CABCOCO1: variants seen among roughly 807,000 people sequenced by gnomAD.
CABCOCO1 encodes the protein ciliary associated calcium binding coiled-coil 1.
In CABCOCO1, 28 loss-of-function variants were observed where a neutral mutation model predicts 35.7. The ratio of observed to expected loss-of-function variants is 0.78; its 90% CI spans 0.58 to 1.07. The LOEUF (loss-of-function observed/expected upper bound fraction) is 1.07. Among genes scored for constraint, CABCOCO1 ranks in the 50% least tolerant of loss-of-function variants. The pLI, the probability that CABCOCO1 is intolerant of heterozygous loss-of-function variation, is 0.00. For synonymous variants in CABCOCO1, 95 were observed against 100.1 expected (o/e 0.95, Z 0.30); for missense variants, 326 against 309.2 (o/e 1.05, Z -0.41).
Position 61,694,757 on chromosome 10 carries a change from G to C in CABCOCO1, c.552+4136G>C, listed in dbSNP as rs114362088. Among the ~76,000 whole-genome samples, 694 of 152,208 alleles carry C rather than the reference G, an allele frequency of 4.6e-3. 7 individuals are homozygous for C. The highest frequency in any genetic ancestry group is 0.015 in the African/African-American group (641 of 41,542). ...GAAAAGGTGGCTAAGAGACTTAAAA[G>C]CTGAGAAGTGAAGCTTTGGTAGACA... On this transcript the variant is annotated intron_variant, in intron 5 of 7. Coordinates refer to ENST00000648843, the MANE Select transcript of CABCOCO1 (RefSeq NM_001366906.2).
chr10:61,669,020 G>GGAAAAAAAAAAAAAAAAA (rs1455258314), intron 1 of CABCOCO1, among the ~76,000 whole-genome samples: 2 of 102,478 alleles, frequency 2.0e-5, no homozygotes, highest in Non-Finnish European at 4.3e-5. Flanking sequence ...AAGGGTTGGG[G>GGAAAAAAAAAAAAAAAAA]AAAAAAAAAA....
At chr10:61,753,184 AT>A (rs1307586193) in intron 5 of CABCOCO1, among the ~76,000 whole-genome samples, 1 of 152,152 alleles carries the variant, frequency 6.6e-6, no homozygotes, top group Non-Finnish European at 1.5e-5. Flanking sequence ...TGTCCATAAA[AT>A]AAAATTTTTA....
At chr10:61,710,878 C>T (rs374654928) in intron 5 of CABCOCO1, among the ~76,000 whole-genome samples, 1 of 151,870 alleles carries the variant, frequency 6.6e-6, no homozygotes. Flanking sequence ...TCTGTGACAG[C>T]TTTTCACTCC....
At chr10:61,762,906 G>A (rs1842036094) in intron 7 of CABCOCO1, among the ~76,000 whole-genome samples, 1 of 151,948 alleles carries the variant, frequency 6.6e-6, no homozygotes, top group African/African-American at 2.4e-5. Context: ...TTCCAAGTTG[G>A]GTAATTACTC....
chr10:61,732,999 T>C (rs989250441), intron 5 of CABCOCO1, among the ~76,000 whole-genome samples: 3 of 152,070 alleles, frequency 2.0e-5, no homozygotes, highest in Non-Finnish European at 2.9e-5. Context: ...AATGCTTTGA[T>C]ATTTATGTTT....
At chr10:61,673,075 CGTT>C (rs745513408) in intron 2 of CABCOCO1, among the ~76,000 whole-genome samples, 4 of 152,120 alleles carry the variant, frequency 2.6e-5, no homozygotes, top group Admixed American at 6.5e-5. Context: ...TGTTCTCCCT[CGTT>C]GTAAGAAGAG....
chr10:61,694,196 CAGGAGGATCAGAGTCAGAAAA>C lies in CABCOCO1; in HGVS notation c.552+3579_552+3599del, dbSNP rs1393098810. Reference sequence around the variant, plus strand: ...TCTCCATATAAGAGAAAGAGGAAAGCAGGAGGATCAGAGTCAGAAAAAGGGAGATTTGAAAATGTCACACTG... The same window carrying C: ...TCTCCATATAAGAGAAAGAGGAAAGCAGGGAGATTTGAAAATGTCACACTG... On this transcript the variant is annotated intron_variant, in intron 5 of 7. Transcript: ENST00000648843. Among the ~76,000 whole-genome samples the C allele has an allele frequency of 2.0e-5, 3 of 150,268 alleles. No homozygotes were observed. In the East Asian group the frequency reaches 5.9e-4, roughly 29 times the overall value.
At chr10:61,664,006 T>G (rs1839091338) in intron 1 of CABCOCO1, among the ~76,000 whole-genome samples, 1 of 152,150 alleles carries the variant, frequency 6.6e-6, no homozygotes, top group African/African-American at 2.4e-5. Context: ...AAGTGTTAGC[T>G]GCAATTTTAT....
chr10:61,679,326 T>TATC (rs1839631098), intron 2 of CABCOCO1, among the ~76,000 whole-genome samples: 1 of 106,912 alleles, frequency 9.4e-6, no homozygotes, highest in Non-Finnish European at 2.0e-5. Context: ...TCTATATCTA[T>TATC]ATCTATCTAT....
chr10:61,675,035 T>C (rs1839468515), intron 2 of CABCOCO1, among the ~76,000 whole-genome samples: 1 of 152,286 alleles, frequency 6.6e-6, no homozygotes, highest in East Asian at 1.9e-4. Context: ...TATTTAAGAA[T>C]TAAAATGCAC....
At chr10:61,694,167 G>A (rs553644096) in intron 5 of CABCOCO1, among the ~76,000 whole-genome samples, 1 of 151,300 alleles carries the variant, frequency 6.6e-6, no homozygotes, top group Non-Finnish European at 1.5e-5. Flanking sequence ...TGGGATCAAT[G>A]TAATCTCCAT....
At chr10:61,760,826 GA>G in intron 6 of CABCOCO1, 36 bp from the exon 7 acceptor site, 2 of 1,581,830 alleles carry the variant, frequency 1.3e-6, no homozygotes, top group Non-Finnish European at 1.7e-6. Flanking sequence ...GAATGCTCTA[GA>G]AATCACCCGA....
At position 61,723,675 on chromosome 10, in the gene CABCOCO1, G is replaced by A. The variant is rs1056200404; in HGVS notation, c.552+33054G>A. On this transcript the variant is annotated intron_variant, in intron 5 of 7. Transcript: ENST00000648843. ...GCCACCTTCTCACTGGGTCCTCACA[G>A]GGCATAGAGGAAGAGCTAGCTCTCT... 2.6e-5 allele frequency among the ~76,000 whole-genome samples: 4 copies of A among 152,142 alleles called. No homozygotes were observed. The South Asian group carries it at 8.3e-4, about 32-fold the overall frequency.
At position 61,681,285 on chromosome 10, in the gene CABCOCO1, C is replaced by G. The variant is rs1305441379; in HGVS notation, c.307C>G (p.Leu103Val). 1.3e-6 allele frequency: 2 copies of G among 1,561,764 alleles called. No homozygotes were observed. Among genetic ancestry groups the G allele is most frequent in the South Asian group, 1.2e-5 (1 of 86,518 alleles). ...IIQYSKFMTL[L>V]AMSLQNLKTL... is the part of the protein sequence containing the mutation. The stretch of plus-strand genomic sequence containing the variant: ...TCAGTATTCAAAATTTATGACTTTA[C>G]TAGCTATGTCACTTCAAAATCTTAA... The change falls in exon 3 of 8, where the codon CTA (leucine) becomes GTA (valine). Residue 103 changes from leucine to valine, a missense_variant. Coordinates refer to ENST00000648843, the MANE Select transcript of CABCOCO1 (RefSeq NM_001366906.2).
intron 5 of CABCOCO1, among the ~76,000 whole-genome samples, chr10:61,720,144 G>A (rs1364606582): frequency 6.6e-6 from 1 of 152,008 alleles, no homozygotes; most frequent in Admixed American, 6.5e-5. Context: ...AAGAACAAAA[G>A]GAACCACTGT....
intron 1 of CABCOCO1, among the ~76,000 whole-genome samples, chr10:61,666,923 T>A (rs147068926): frequency 0.033 from 4,725 of 141,350 alleles, 287 homozygotes; most frequent in African/African-American, 0.12. Context: ...AAATTTCATA[T>A]ATTATATATA....
At chr10:61,727,136 A>G (rs993365738) in intron 5 of CABCOCO1, among the ~76,000 whole-genome samples, 11 of 152,178 alleles carry the variant, frequency 7.2e-5, no homozygotes, top group African/African-American at 2.4e-4. Context: ...TAGATTATAA[A>G]CTTCTTGAAG....
At position 61,688,083 on chromosome 10, in the gene CABCOCO1, A is replaced by T. The variant is rs1235541696; in HGVS notation, c.479+1898A>T. On this transcript the variant is annotated intron_variant, in intron 4 of 7. Coordinates refer to ENST00000648843, the MANE Select transcript of CABCOCO1 (RefSeq NM_001366906.2). ...GGCTAAATACCTAAATGATAGGTTG[A>T]TCTCTGCAGCAAACCACCATGGCAC... Among the ~76,000 whole-genome samples the T allele has an allele frequency of 3.9e-5, 6 of 152,274 alleles. No homozygotes were observed. In the East Asian group the frequency reaches 1.2e-3, roughly 29 times the overall value.
intron 1 of CABCOCO1, among the ~76,000 whole-genome samples, chr10:61,663,882 T>C (rs148400352): frequency 8.5e-5 from 13 of 152,294 alleles, no homozygotes; most frequent in African/African-American, 2.6e-4. Context: ...CCTAGGAAGT[T>C]TTTTTTCCTC....
Sources: gnomAD v4.1 joint callset for allele counts (sites outside exome capture counted in the v4.1 genomes callset) on GRCh38, gnomAD v4.1.1 for gene constraint, MANE v1.5 for transcripts, NCBI Gene and HGNC (gene_info 2026-07-23, HGNC 2026-07-21) for gene names.